Variants in EXOC6 observed in about 807,000 individuals in gnomAD.
The protein encoded by EXOC6 is exocyst complex component 6, also known as SEC15-like 1.
In EXOC6, 60 loss-of-function variants were observed where a neutral mutation model predicts 112.5. That is an observed-to-expected ratio of 0.53 (90% CI 0.43 to 0.66). The LOEUF (loss-of-function observed/expected upper bound fraction) is 0.66. EXOC6 is among the 30% of genes least tolerant of loss of function. EXOC6 has a pLI of 0.00. For synonymous variants in EXOC6, 295 were observed against 308.0 expected (o/e 0.96, Z 0.44); for missense variants, 855 against 957.1 (o/e 0.89, Z 1.41).
chr10:93,043,832 T>C lies in EXOC6; in HGVS notation c.2170-13092T>C, dbSNP rs141974529. ...AACTGCTGTTTTTATTTAGTTTCTC[T>C]TTTTTAATTTTATCCAATAACCTGT... On this transcript the variant is annotated intron_variant, in intron 20 of 21. Coordinates refer to ENST00000260762, the MANE Select transcript of EXOC6 (RefSeq NM_019053.6). Among the ~76,000 whole-genome samples, 12 of 152,346 alleles carry C rather than the reference T, an allele frequency of 7.9e-5. No homozygotes were observed. In the East Asian group the frequency reaches 2.3e-3, roughly 29 times the overall value.
chr10:92,974,148 T>C lies in EXOC6; in HGVS notation c.1869T>C (p.Ser623=), dbSNP rs777511136. 8 of 1,603,200 alleles carry C rather than the reference T, an allele frequency of 5.0e-6. No homozygotes were observed. The highest frequency in any genetic ancestry group is 6.8e-6 in the Non-Finnish European group (8 of 1,177,634). Residue 623 remains serine (S), a synonymous_variant, in exon 18 of 22, where the codon TCT becomes TCC. Coordinates refer to ENST00000260762, the MANE Select transcript of EXOC6 (RefSeq NM_019053.6). ...TTGCTGATTATGACTGGACAATGTCTGAGCCAGATGGAAGAGCTAGTGGTT... is the reference window on the plus strand; with the variant it reads ...TTGCTGATTATGACTGGACAATGTCCGAGCCAGATGGAAGAGCTAGTGGTT... ...VQLADYDWTM[S]EPDGRASGYL...
intron 5 of EXOC6, among the ~76,000 whole-genome samples, chr10:92,902,859 C>T (rs1420129481): frequency 6.6e-6 from 1 of 152,068 alleles, no homozygotes; most frequent in Non-Finnish European, 1.5e-5. Context: ...ATGGAATCTT[C>T]TTCACTCCCG....
chr10:93,003,455 T>C (rs547757041), intron 19 of EXOC6, among the ~76,000 whole-genome samples: 1 of 152,338 alleles, frequency 6.6e-6, no homozygotes, highest in Admixed American at 6.5e-5. Flanking sequence ...GTGTTGGTGC[T>C]CTTTTTTTTG....
intron 19 of EXOC6, among the ~76,000 whole-genome samples, chr10:93,008,149 TG>T (rs1844080451): frequency 6.6e-6 from 1 of 152,146 alleles, no homozygotes; most frequent in Non-Finnish European, 1.5e-5. Context: ...CACTCCAGCC[TG>T]GGCAACAGAG....
At chr10:93,016,343 G>A (rs537177066) in intron 20 of EXOC6, among the ~76,000 whole-genome samples, 4 of 150,770 alleles carry the variant, frequency 2.7e-5, no homozygotes, top group Non-Finnish European at 4.4e-5. Context: ...GTTTTCCCAT[G>A]TTCACCAGGC....
At chr10:92,859,931 T>C (rs769802631) in intron 1 of EXOC6, among the ~76,000 whole-genome samples, 12 of 151,900 alleles carry the variant, frequency 7.9e-5, no homozygotes, top group Admixed American at 2.0e-4. Context: ...AAGGTACAAC[T>C]GTGAGTCCTT....
chr10:92,957,063 T>G (rs564806177), intron 17 of EXOC6, among the ~76,000 whole-genome samples: 2 of 152,244 alleles, frequency 1.3e-5, no homozygotes, highest in South Asian at 4.1e-4. Flanking sequence ...TATGGTATAA[T>G]AAGTATGATA....
chr10:92,871,852 A>G (rs764937430), intron 1 of EXOC6, among the ~76,000 whole-genome samples: 2 of 152,026 alleles, frequency 1.3e-5, no homozygotes, highest in African/African-American at 2.4e-5. Context: ...TTCTCTTTCA[A>G]TGGTTATATC....
intron 20 of EXOC6, among the ~76,000 whole-genome samples, chr10:93,017,887 G>A (rs1844608610): frequency 1.3e-5 from 2 of 151,760 alleles, no homozygotes; most frequent in Admixed American, 1.3e-4. Flanking sequence ...GTGCACACCT[G>A]TAATCCCAGT....
At chr10:92,941,882 T>C (rs1852687058) in intron 13 of EXOC6, among the ~76,000 whole-genome samples, 1 of 152,172 alleles carries the variant, frequency 6.6e-6, no homozygotes, top group East Asian at 1.9e-4. Context: ...TCTTTCTTTC[T>C]TTTTCTTTTT....
chr10:93,042,917 G>A (rs964175770), intron 20 of EXOC6, among the ~76,000 whole-genome samples: 6 of 130,036 alleles, frequency 4.6e-5, no homozygotes, highest in African/African-American at 1.8e-4. Flanking sequence ...TCAAATATCA[G>A]ATATTTTACT....
At chr10:92,923,222 A>G (rs1851539353) in intron 8 of EXOC6, among the ~76,000 whole-genome samples, 1 of 152,144 alleles carries the variant, frequency 6.6e-6, no homozygotes, top group African/African-American at 2.4e-5. Context: ...CTTAGATGGT[A>G]CCCTTGGTTG....
chr10:92,940,787 A>G lies in EXOC6; in HGVS notation c.1273A>G (p.Asn425Asp). The G allele has an allele frequency of 1.2e-6, 2 of 1,612,272 alleles. No individual in the cohort carries two copies. Among genetic ancestry groups the G allele is most frequent in the South Asian group, 1.1e-5 (1 of 90,584 alleles). The change falls in exon 13 of 22, where the codon AAT (asparagine) becomes GAT (aspartate). Residue 425 changes from asparagine (N) to aspartate (D), a missense_variant. Transcript: ENST00000260762. ...TTTATTTGAAATAAGAGACCAATAC[A>G]ATGAAACACTGCTTAAGAAATGGGC... Reference protein sequence around the residue: ...DLLFEIRDQYNETLLKKWAGV... With the variant: ...DLLFEIRDQYDETLLKKWAGV...
intron 18 of EXOC6, among the ~76,000 whole-genome samples, chr10:92,978,520 T>G: frequency 6.6e-6 from 1 of 152,300 alleles, no homozygotes; most frequent in East Asian, 1.9e-4. Context: ...ATGGTAAATT[T>G]TAGAGTCAAT....
At chr10:92,864,111 A>G (rs1032989956) in intron 1 of EXOC6, among the ~76,000 whole-genome samples, 5 of 152,142 alleles carry the variant, frequency 3.3e-5, no homozygotes, top group Non-Finnish European at 5.9e-5. Context: ...CTTAAATAAT[A>G]AAAAGTATAA....
chr10:93,011,590 A>T (rs920148271), intron 19 of EXOC6, among the ~76,000 whole-genome samples: 5 of 152,192 alleles, frequency 3.3e-5, no homozygotes, highest in Non-Finnish European at 7.3e-5. Flanking sequence ...AAGTTAGAAA[A>T]CACCTTTAAT....
At chr10:92,827,474 C>CAAAAAAAAAAAAAAAAAA (rs60863083) in intron 1 of EXOC6, among the ~76,000 whole-genome samples, 2 of 33,208 alleles carry the variant, frequency 6.0e-5, no homozygotes, top group Non-Finnish European at 9.5e-5. Context: ...GCCCTGTTGC[C>CAAAAAAAAAAAAAAAAAA]AAAAAAAAAA....
intron 18 of EXOC6, among the ~76,000 whole-genome samples, chr10:92,975,281 G>C (rs1203678914): frequency 6.6e-6 from 1 of 151,256 alleles, no homozygotes; most frequent in Non-Finnish European, 1.5e-5. Flanking sequence ...GGTGAGGAGC[G>C]TCTCTGCTCG....
At chr10:93,057,155 C>A in intron 21 of EXOC6, 119 bp downstream of exon 21, 1 of 539,666 alleles carries the variant, frequency 1.9e-6, no homozygotes, top group Non-Finnish European at 3.1e-6. Context: ...TAAAAGCTCA[C>A]TCTAGTTTAA....
Sources: allele counts gnomAD v4.1 joint callset (sites outside exome capture counted in the v4.1 genomes callset), GRCh38; gene constraint gnomAD v4.1.1; transcripts MANE v1.5; gene names NCBI Gene and HGNC (gene_info 2026-07-23, HGNC 2026-07-21).